C19orf12: variants seen among roughly 807,000 people sequenced by gnomAD.
C19orf12 encodes the protein chromosome 19 open reading frame 12.
Under a neutral mutation model 3.8 loss-of-function variants are expected in C19orf12, and 2 were observed. The observed-to-expected ratio is 0.53, with a 90% CI of 0.22 to 1.66. The LOEUF is 1.66. Ranked by LOEUF, C19orf12 falls within the 40% of genes most tolerant of loss-of-function variation. C19orf12 has a pLI of 0.20. For synonymous variants in C19orf12, 89 were observed against 84.6 expected (o/e 1.05, Z -0.28); for missense variants, 156 against 188.8 (o/e 0.83, Z 1.02).
At position 29,702,038 on chromosome 19, in the gene C19orf12, A is replaced by G; in HGVS notation, c.*674T>C. 1 of 452,786 alleles carries G rather than the reference A, an allele frequency of 2.2e-6. No homozygotes were observed. Among genetic ancestry groups the G allele is most frequent in the Non-Finnish European group, 4.4e-6 (1 of 225,736 alleles). 28.0% of individuals were successfully genotyped at this position (452,786 alleles called of 1,614,324 possible). A position where few individuals can be genotyped will look rare whatever the true frequency, so the allele number is the denominator to read the frequency against. On this transcript the variant is annotated 3_prime_UTR_variant, in exon 3 of 3. Transcript: ENST00000323670. Reference sequence around the variant, plus strand: ...ATATTTCATTTGAGAAGTAAACCTCAAGAACTACCAGGACTTTTCAGATGG... The same window carrying G: ...ATATTTCATTTGAGAAGTAAACCTCGAGAACTACCAGGACTTTTCAGATGG...
chr19:29,703,080 T>C (rs1972199931), intron 2 of C19orf12, 103 bp from the exon 3 acceptor site: 5 of 1,518,844 alleles, frequency 3.3e-6, no homozygotes, highest in African/African-American at 2.7e-5. Flanking sequence ...AGCAGGCACA[T>C]TCATGAGCGG....
At position 29,700,941 on chromosome 19, in the gene C19orf12, A is replaced by G. The variant is rs1298668292; in HGVS notation, c.*1771T>C. ...GACCAAGGAATAACATTTTTTGTAG[A>G]GATGGAGGTCTCACTATATTGCCCA... On this transcript the variant is annotated 3_prime_UTR_variant, in exon 3 of 3. Transcript: ENST00000323670. 2.2e-6 allele frequency: 1 copy of G among 453,888 alleles called. No individual in the cohort carries two copies. The highest frequency in any genetic ancestry group is 6.9e-5 in the East Asian group (1 of 14,398). 28.1% of individuals were successfully genotyped at this position (453,888 alleles called of 1,614,324 possible).
intron 1 of C19orf12, 25 bp downstream of exon 1, chr19:29,715,100 G>A: frequency 1.6e-6 from 1 of 612,198 alleles, no homozygotes; most frequent in Non-Finnish European, 2.9e-6. Context: ...GAGGCGCCCC[G>A]CCCCGGCTCC....
chr19:29,709,026 C>T (rs1272852593), intron 1 of C19orf12, among the ~76,000 whole-genome samples: 1 of 152,228 alleles, frequency 6.6e-6, no homozygotes, highest in Non-Finnish European at 1.5e-5. Context: ...TGGAAGCCTG[C>T]AGGCTCCCGA....
At chr19:29,703,455 G>A (rs1196882646) in intron 2 of C19orf12, among the ~76,000 whole-genome samples, 5 of 143,804 alleles carry the variant, frequency 3.5e-5, no homozygotes, top group Non-Finnish European at 7.5e-5. Context: ...ATCTTGGCTC[G>A]CTGCAACCTC....
In C19orf12 at chr19:29,700,855, C is replaced by T; in HGVS notation, c.*1857G>A. ...GCAGGGCCTCAGCAGAAGTGCCTCC[C>T]TCCGAGCCTCCAGGGCCTGAGAGGA... On this transcript the variant is annotated 3_prime_UTR_variant, in exon 3 of 3. Coordinates refer to ENST00000323670, the MANE Select transcript of C19orf12 (RefSeq NM_031448.6). The T allele has an allele frequency of 6.6e-6, 3 of 454,108 alleles. 1 individual carries two copies. The highest frequency in any genetic ancestry group is 3.1e-5 in the South Asian group (2 of 64,476). The allele number at this position is 454,108 out of a possible 1,614,324, so 28.1% of individuals were successfully genotyped here. A position where few individuals can be genotyped will look rare whatever the true frequency, so the allele number is the denominator to read the frequency against.
In C19orf12 at chr19:29,699,954, C is replaced by T. The variant is rs1472566749; in HGVS notation, c.*2758G>A. 2.0e-5 allele frequency: 9 copies of T among 453,972 alleles called. No homozygotes were observed. The highest frequency in any genetic ancestry group is 7.1e-5 in the Admixed American group (3 of 42,548). The allele number at this position is 453,972 out of a possible 1,614,324, so 28.1% of individuals were successfully genotyped here. A position where few individuals can be genotyped will look rare whatever the true frequency, so the allele number is the denominator to read the frequency against. On this transcript the variant is annotated 3_prime_UTR_variant, in exon 3 of 3. Coordinates refer to ENST00000323670, the MANE Select transcript of C19orf12 (RefSeq NM_031448.6). ...CTTTCGGCTCCTGGGGGAGATAAGA[C>T]TCCAGGTTCAGGCTGCCCTTTTAGG... is the stretch of plus-strand genomic sequence containing the variant.
intron 2 of C19orf12, among the ~76,000 whole-genome samples, chr19:29,704,239 G>A (rs1972263007): frequency 6.6e-6 from 1 of 152,102 alleles, no homozygotes; most frequent in Non-Finnish European, 1.5e-5. Flanking sequence ...AGAGGCCGAG[G>A]TGGGCGAATC....
chr19:29,712,531 C>T (rs1356355596), intron 1 of C19orf12, among the ~76,000 whole-genome samples: 1 of 152,154 alleles, frequency 6.6e-6, no homozygotes, highest in African/African-American at 2.4e-5. Context: ...CTTTTTCACA[C>T]ATGCACAGTA....
intron 1 of C19orf12, among the ~76,000 whole-genome samples, chr19:29,714,646 C>T (rs1267169709): frequency 1.3e-5 from 2 of 151,852 alleles, no homozygotes; most frequent in Non-Finnish European, 2.9e-5. Context: ...CTGTCAGGAT[C>T]CGCTTCACAT....
Position 29,715,182 on chromosome 19 carries a change from G to T in C19orf12, c.-68C>A. 1 of 518,106 alleles carries T rather than the reference G, an allele frequency of 1.9e-6. No homozygotes were observed. Among genetic ancestry groups the T allele is most frequent in the Non-Finnish European group, 3.5e-6 (1 of 287,456 alleles). The allele number at this position is 518,106 out of a possible 1,614,324, so 32.1% of individuals were successfully genotyped here. A position where few individuals can be genotyped will look rare whatever the true frequency, so the allele number is the denominator to read the frequency against. ...GCGATCAGACGCGGCTGCAGCCCGG[G>T]CCTGGCAGGCCCCGGGCTCCCCGCC... On this transcript the variant is annotated 5_prime_UTR_variant, in exon 1 of 3. Coordinates refer to ENST00000323670, the MANE Select transcript of C19orf12 (RefSeq NM_031448.6).
At position 29,713,441 on chromosome 19, in the gene C19orf12, C is replaced by T. The variant is rs192027262; in HGVS notation, c.-11+1684G>A. ...GGAGACAAGCCCATCTCACCGAGAGCGGCCTAGCTTTCTGAGTTTGGACCA... is the reference window on the plus strand; with the variant it reads ...GGAGACAAGCCCATCTCACCGAGAGTGGCCTAGCTTTCTGAGTTTGGACCA... On this transcript the variant is annotated intron_variant, in intron 1 of 2. Coordinates refer to ENST00000323670, the MANE Select transcript of C19orf12 (RefSeq NM_031448.6). Among the ~76,000 whole-genome samples, 43 of 152,068 alleles carry T rather than the reference C, an allele frequency of 2.8e-4. No homozygotes were observed. In the East Asian group the frequency reaches 4.5e-3, roughly 16 times the overall value.
In C19orf12 at chr19:29,700,149, G is replaced by A. The variant is rs758671092; in HGVS notation, c.*2563C>T. On this transcript the variant is annotated 3_prime_UTR_variant, in exon 3 of 3. Coordinates refer to ENST00000323670, the MANE Select transcript of C19orf12 (RefSeq NM_031448.6). ...TGGGAGGGGCTGCAGTGGACACTGG[G>A]CCTCTGAGCTGGGACCACCTGTGTC... is the stretch of plus-strand genomic sequence containing the variant. The A allele has an allele frequency of 2.2e-6, 1 of 454,016 alleles. No homozygotes were observed. Among genetic ancestry groups the A allele is most frequent in the South Asian group, 1.6e-5 (1 of 64,466 alleles). 28.1% of individuals were successfully genotyped at this position (454,016 alleles called of 1,614,324 possible). A position where few individuals can be genotyped will look rare whatever the true frequency, so the allele number is the denominator to read the frequency against.
At chr19:29,708,500 G>C in intron 1 of C19orf12, 77 bp from the exon 2 acceptor site, 2 of 1,576,008 alleles carry the variant, frequency 1.3e-6, no homozygotes, top group Non-Finnish European at 8.6e-7. Context: ...CTAGTTCCTA[G>C]AGTTTTAAGG....
At chr19:29,709,273 A>G (rs1265830686) in intron 1 of C19orf12, among the ~76,000 whole-genome samples, 1 of 152,178 alleles carries the variant, frequency 6.6e-6, no homozygotes, top group Non-Finnish European at 1.5e-5. Context: ...CTTTAGCACA[A>G]TCCTCCAGGG....
rs1246290984 is a variant in C19orf12 at position 29,702,330 on chromosome 19, T to A, written c.*382A>T. 1 of 472,830 alleles carries A rather than the reference T, an allele frequency of 2.1e-6. No individual in the cohort carries two copies. Among genetic ancestry groups the A allele is most frequent in the East Asian group, 6.4e-5 (1 of 15,536 alleles). The allele number at this position is 472,830 out of a possible 1,614,324, so 29.3% of individuals were successfully genotyped here. On this transcript the variant is annotated 3_prime_UTR_variant, in exon 3 of 3. Transcript: ENST00000323670. ...TCTGAAGAGGAGTCATCTCCCAAGA[T>A]GAGAAGGCCCCGGGGGGAGGATGAA...
At chr19:29,709,309 GC>G (rs1972546313) in intron 1 of C19orf12, among the ~76,000 whole-genome samples, 1 of 152,202 alleles carries the variant, frequency 6.6e-6, no homozygotes, top group South Asian at 2.1e-4. Context: ...GCATGCTGGA[GC>G]CAGGGCAGGG....
chr19:29,707,057 T>C (rs759205038), intron 2 of C19orf12, among the ~76,000 whole-genome samples: 8 of 152,186 alleles, frequency 5.3e-5, no homozygotes, highest in Non-Finnish European at 7.4e-5. Context: ...GATTCTCAAA[T>C]AGAAGCAGGT....
In C19orf12 at chr19:29,714,837, C is replaced by T. The variant is rs1421568745; in HGVS notation, c.-11+288G>A. On this transcript the variant is annotated intron_variant, in intron 1 of 2. Coordinates refer to ENST00000323670, the MANE Select transcript of C19orf12 (RefSeq NM_031448.6). ...CGCACCCCACCCCCACCCACCACAC[C>T]CATGCCTACGCCACTCCTGGGTGAC... The T allele has an allele frequency of 4.7e-6, 3 of 641,540 alleles. No homozygotes were observed. The East Asian group carries it at 9.3e-5, about 20-fold the overall frequency. The allele number at this position is 641,540 out of a possible 1,614,324, so 39.7% of individuals were successfully genotyped here. A position where few individuals can be genotyped will look rare whatever the true frequency, so the allele number is the denominator to read the frequency against.
Sources: allele counts gnomAD v4.1 joint callset (sites outside exome capture counted in the v4.1 genomes callset), GRCh38; gene constraint gnomAD v4.1.1; transcripts MANE v1.5; gene names NCBI Gene and HGNC (gene_info 2026-07-23, HGNC 2026-07-21).